The following SLC39A11 variants were observed in gnomAD, a reference collection of about 807,000 sequenced individuals.
The protein encoded by SLC39A11 is solute carrier family 39 member 11, also known as zinc transporter ZIP11.
Under a neutral mutation model 36.1 loss-of-function variants are expected in SLC39A11, and 33 were observed. The observed-to-expected ratio is 0.91, with a 90% CI of 0.69 to 1.22. The LOEUF is 1.22. Ranked by LOEUF, SLC39A11 falls within the 50% of genes most tolerant of loss-of-function variation. The probability of loss-of-function intolerance (pLI) is 0.00; values close to 1 mark genes in which losing one functional copy is unlikely to be tolerated. For missense variants in SLC39A11, 432 were observed against 430.3 expected, an observed-to-expected ratio of 1.00 and a Z score of -0.03; for synonymous variants, 166 against 170.3, an observed-to-expected ratio of 0.97 and a Z score of 0.20.
intron 7 of SLC39A11, among the ~76,000 whole-genome samples, chr17:72,688,095 G>A (rs1277202701): frequency 6.6e-6 from 1 of 152,182 alleles, no homozygotes; most frequent in Non-Finnish European, 1.5e-5. Context: ...GCTCTGGGCT[G>A]ATTAACGACT....
intron 5 of SLC39A11, among the ~76,000 whole-genome samples, chr17:72,891,100 G>C (rs1348406189): frequency 6.6e-6 from 1 of 151,922 alleles, no homozygotes; most frequent in East Asian, 1.9e-4. Context: ...TTGGGGGGTG[G>C]GGGGTGGCAG....
In SLC39A11 at chr17:72,782,796, T is replaced by C. The variant is rs547659431; in HGVS notation, c.602-46077A>G. ...CGGGTGGATCACCTGAGGTCAGGAGTTTGAGACCAGCCTGGCGAACATGGC... is the reference window on the plus strand; with the variant it reads ...CGGGTGGATCACCTGAGGTCAGGAGCTTGAGACCAGCCTGGCGAACATGGC... On this transcript the variant is annotated intron_variant, in intron 6 of 9. Transcript: ENST00000255559. 3.0e-3 allele frequency among the ~76,000 whole-genome samples: 434 copies of C among 145,820 alleles called. 2 individuals are homozygous for C. Among genetic ancestry groups the C allele is most frequent in the Middle Eastern group, 0.012 (3 of 260 alleles).
rs559954574 is a variant in SLC39A11, at chr17:72,749,526, G to C, written c.602-12807C>G. Among the ~76,000 whole-genome samples, 4 of 152,370 alleles carry C rather than the reference G, an allele frequency of 2.6e-5. No homozygotes were observed. The East Asian group carries it at 7.7e-4, about 29-fold the overall frequency. ...GCAGCTCTGTAAATATGAGGACACA[G>C]GACGAAGGAAGCATGAGGCAATGAG... On this transcript the variant is annotated intron_variant, in intron 6 of 9. Coordinates refer to ENST00000255559, the MANE Select transcript of SLC39A11 (RefSeq NM_139177.4).
At chr17:72,894,141 C>T (rs2081905652) in intron 5 of SLC39A11, among the ~76,000 whole-genome samples, 1 of 151,964 alleles carries the variant, frequency 6.6e-6, no homozygotes, top group Non-Finnish European at 1.5e-5. Context: ...GTGGAAGGAT[C>T]ACTTGGGCCC....
At chr17:72,953,645 G>A (rs146215537) in intron 4 of SLC39A11, among the ~76,000 whole-genome samples, 306 of 152,252 alleles carry the variant, frequency 2.0e-3, no homozygotes, top group African/African-American at 7.0e-3. Flanking sequence ...CTACAAGGGC[G>A]AACTAAGGCC....
intron 5 of SLC39A11, among the ~76,000 whole-genome samples, chr17:72,896,946 G>A (rs930410038): frequency 6.6e-6 from 1 of 150,594 alleles, no homozygotes; most frequent in Non-Finnish European, 1.5e-5. Context: ...CCAGCTACTC[G>A]GGAGGCTGAG....
chr17:72,910,033 T>A (rs147408699), intron 5 of SLC39A11, among the ~76,000 whole-genome samples: 1,721 of 152,164 alleles, frequency 0.011, 34 homozygotes, highest in African/African-American at 0.039. Context: ...ATTACAGGTG[T>A]GAGCCACCGC....
intron 6 of SLC39A11, among the ~76,000 whole-genome samples, chr17:72,740,935 C>G (rs1333224847): frequency 1.3e-5 from 2 of 151,852 alleles, no homozygotes; most frequent in Non-Finnish European, 2.9e-5. Flanking sequence ...CCACCATGCC[C>G]GGCTAATTTT....
At chr17:72,790,481 A>C (rs1439371541) in intron 6 of SLC39A11, among the ~76,000 whole-genome samples, 1 of 152,140 alleles carries the variant, frequency 6.6e-6, no homozygotes, top group East Asian at 1.9e-4. Context: ...CCAAGGAATG[A>C]GAAGATAAGA....
In SLC39A11 at chr17:72,736,259, G is replaced by A. The variant is rs187336018; in HGVS notation, c.671+391C>T. On this transcript the variant is annotated intron_variant, in intron 7 of 9. Transcript: ENST00000255559. ...GGGCCTTTCCAGGAGCAGGTGGAAA[G>A]AGAGAGGGAAACGAAGGGACCCTAG... 1.1e-4 allele frequency among the ~76,000 whole-genome samples: 16 copies of A among 152,256 alleles called. No individual in the cohort carries two copies. The East Asian group carries it at 2.9e-3, about 28-fold the overall frequency.
chr17:72,736,747 G>A (rs1419183811), intron 6 of SLC39A11, 28 bp from the exon 7 acceptor site: 4 of 1,580,042 alleles, frequency 2.5e-6, no homozygotes, highest in African/African-American at 2.7e-5. Flanking sequence ...AAAGCAAGAG[G>A]GGTTAGGAAT....
intron 5 of SLC39A11, among the ~76,000 whole-genome samples, chr17:72,891,261 A>G (rs1426030190): frequency 6.6e-6 from 1 of 152,080 alleles, no homozygotes; most frequent in African/African-American, 2.4e-5. Flanking sequence ...ATCTCTACTA[A>G]AAATACAAAA....
At chr17:72,783,893 T>A (rs1408979216) in intron 6 of SLC39A11, among the ~76,000 whole-genome samples, 4 of 151,934 alleles carry the variant, frequency 2.6e-5, no homozygotes, top group Non-Finnish European at 4.4e-5. Flanking sequence ...AGCCAGGAAT[T>A]TTCAGGAGCC....
intron 5 of SLC39A11, among the ~76,000 whole-genome samples, chr17:72,909,937 A>G (rs1384424680): frequency 2.0e-5 from 3 of 151,148 alleles, no homozygotes; most frequent in African/African-American, 7.3e-5. Context: ...TTTTTTTAGT[A>G]GAGACGGGGT....
At chr17:72,802,825 C>CT (rs1357364252) in intron 6 of SLC39A11, among the ~76,000 whole-genome samples, 3 of 152,096 alleles carry the variant, frequency 2.0e-5, no homozygotes, top group Non-Finnish European at 4.4e-5. Flanking sequence ...CTGCCCCTAT[C>CT]TGTCAGCTGG....
chr17:72,840,727 A>T (rs1266963062), intron 6 of SLC39A11, among the ~76,000 whole-genome samples: 2 of 151,786 alleles, frequency 1.3e-5, no homozygotes, highest in Non-Finnish European at 1.5e-5. Context: ...ACTGCACTCT[A>T]CCCTGGGTGA....
chr17:72,787,578 T>G (rs1174749511), intron 6 of SLC39A11, among the ~76,000 whole-genome samples: 1 of 152,140 alleles, frequency 6.6e-6, no homozygotes, highest in African/African-American at 2.4e-5. Flanking sequence ...TCAAGGGAAT[T>G]TTACTCTCTT....
chr17:72,875,655 G>A (rs575445392), intron 5 of SLC39A11, among the ~76,000 whole-genome samples: 16 of 152,236 alleles, frequency 1.1e-4, no homozygotes, highest in East Asian at 9.6e-4. Flanking sequence ...TTCCCAGTTC[G>A]CATGCATTTA....
intron 6 of SLC39A11, among the ~76,000 whole-genome samples, chr17:72,748,788 C>T (rs947051665): frequency 2.0e-5 from 3 of 152,198 alleles, no homozygotes; most frequent in Non-Finnish European, 2.9e-5. Flanking sequence ...TTCCAACTAA[C>T]GAGCTCCGTG....
Sources: gnomAD v4.1 joint callset for allele counts (sites outside exome capture counted in the v4.1 genomes callset) on GRCh38, gnomAD v4.1.1 for gene constraint, MANE v1.5 for transcripts, NCBI Gene and HGNC (gene_info 2026-07-23, HGNC 2026-07-21) for gene names.